Variants in DPY19L2 observed in about 807,000 individuals in gnomAD.
DPY19L2 encodes the protein probable C-mannosyltransferase DPY19L2.
DPY19L2 carries 34 observed loss-of-function variants against 97.9 expected under a neutral mutation model. The ratio of observed to expected loss-of-function variants is 0.35; its 90% CI spans 0.26 to 0.46. DPY19L2 has a LOEUF of 0.46. Ranked by LOEUF, DPY19L2 falls within the 20% of genes least tolerant of loss-of-function variation. The pLI is 1.00. For synonymous variants in DPY19L2, 230 were observed against 307.9 expected, an observed-to-expected ratio of 0.75 and a Z score of 2.65; for missense variants, 623 against 911.4, an observed-to-expected ratio of 0.68 and a Z score of 4.07.
intron 9 of DPY19L2, among the ~76,000 whole-genome samples, chr12:63,620,779 T>C (rs1278239242): frequency 6.6e-6 from 1 of 152,170 alleles, no homozygotes; most frequent in Non-Finnish European, 1.5e-5. Context: ...TGCAGCACTA[T>C]TCACAATAGC....
At chr12:63,644,604 G>C in intron 5 of DPY19L2, 108 bp from the exon 6 acceptor site, 1 of 1,452,890 alleles carries the variant, frequency 6.9e-7, no homozygotes, top group Non-Finnish European at 9.2e-7. Flanking sequence ...TTTGCTGAAA[G>C]CATTTGCTTT....
chr12:63,656,413 C>A (rs142468731), intron 4 of DPY19L2, among the ~76,000 whole-genome samples: 3 of 152,094 alleles, frequency 2.0e-5, no homozygotes, highest in African/African-American at 7.2e-5. Context: ...AAGAGCCAGG[C>A]GATAAGTATT....
At chr12:63,591,940 T>TGAAAA (rs371807048) in intron 16 of DPY19L2, among the ~76,000 whole-genome samples, 2,030 of 62,074 alleles carry the variant, frequency 0.033, 65 homozygotes, top group African/African-American at 0.069. Flanking sequence ...CAAGACTCTG[T>TGAAAA]GAAAAGAAAA....
intron 12 of DPY19L2, 76 bp downstream of exon 12, chr12:63,608,540 G>A: frequency 4.9e-6 from 6 of 1,230,596 alleles, no homozygotes; most frequent in Non-Finnish European, 6.9e-6. Flanking sequence ...GCATTTTAAA[G>A]CATATTAACT....
intron 4 of DPY19L2, among the ~76,000 whole-genome samples, chr12:63,655,181 C>T (rs145221719): frequency 1.3e-5 from 2 of 152,186 alleles, no homozygotes; most frequent in East Asian, 1.9e-4. Context: ...CATAAAGACA[C>T]GTTGCACATA....
chr12:63,619,121 A>C (rs924800425), intron 9 of DPY19L2, among the ~76,000 whole-genome samples: 2 of 152,072 alleles, frequency 1.3e-5, no homozygotes, highest in African/African-American at 4.8e-5. Context: ...TAGGATTGAA[A>C]ATTCCAGGAG....
chr12:63,645,504 G>C (rs11175095), intron 5 of DPY19L2, among the ~76,000 whole-genome samples: 100,481 of 151,716 alleles, frequency 0.66, 33,831 homozygotes, highest in East Asian at 0.87. Flanking sequence ...TATTCTTATA[G>C]CCAGATAGCC....
intron 6 of DPY19L2, among the ~76,000 whole-genome samples, chr12:63,639,916 G>A (rs1411019987): frequency 1.3e-5 from 2 of 152,080 alleles, no homozygotes; most frequent in African/African-American, 4.8e-5. Context: ...GTTTATTGTG[G>A]CACTATTCAC....
At chr12:63,632,221 C>G (rs1454399845) in intron 6 of DPY19L2, among the ~76,000 whole-genome samples, 1 of 152,070 alleles carries the variant, frequency 6.6e-6, no homozygotes, top group Non-Finnish European at 1.5e-5. Flanking sequence ...CCAGGGCAAT[C>G]AGGCAGGAGA....
intron 13 of DPY19L2, 84 bp from the exon 14 acceptor site, chr12:63,597,994 A>T: frequency 9.0e-7 from 1 of 1,115,128 alleles, no homozygotes; most frequent in Admixed American, 2.8e-5. Flanking sequence ...ATGTAAGAAT[A>T]ACAAAGTTTA....
chr12:63,599,785 T>G (rs181958438), intron 13 of DPY19L2, among the ~76,000 whole-genome samples: 4 of 152,272 alleles, frequency 2.6e-5, no homozygotes, highest in African/African-American at 4.8e-5. Context: ...ACATGAGAGA[T>G]AAATGCTCTG....
intron 21 of DPY19L2, among the ~76,000 whole-genome samples, chr12:63,562,969 G>C (rs1023098192): frequency 1.3e-5 from 2 of 151,914 alleles, no homozygotes; most frequent in African/African-American, 4.8e-5. Context: ...CTAACTTTTT[G>C]TATTTTTAGT....
chr12:63,618,167 ATCT>A lies in DPY19L2; in HGVS notation c.1112_1114del (p.Lys371del). 8.0e-6 allele frequency: 8 copies of A among 1,002,102 alleles called. No individual in the cohort carries two copies. Among genetic ancestry groups the A allele is most frequent in the Non-Finnish European group, 1.2e-5 (8 of 669,590 alleles). The allele number at this position is 1,002,102 out of a possible 1,614,324, so 62.1% of individuals were successfully genotyped here. A position where few individuals can be genotyped will look rare whatever the true frequency, so the allele number is the denominator to read the frequency against. On this transcript the variant is annotated inframe_deletion, in exon 10 of 22. Coordinates refer to ENST00000324472, the MANE Select transcript of DPY19L2 (RefSeq NM_173812.5). ...AAATGTTACCATGTTCATATAAATG[ATCT>A]TCTGAAATTTGCTTGGTTCAATGTA...
chr12:63,666,460 T>C (rs1896349324), intron 1 of DPY19L2: 3 of 430,378 alleles, frequency 7.0e-6, no homozygotes, highest in Admixed American at 5.0e-5. Context: ...TACATAAGAC[T>C]TCACCTGGGA....
At chr12:63,664,137 G>C (rs1341942848) in intron 2 of DPY19L2, among the ~76,000 whole-genome samples, 2 of 151,914 alleles carry the variant, frequency 1.3e-5, no homozygotes, top group Non-Finnish European at 2.9e-5. Flanking sequence ...AGGAGTTCGA[G>C]ACCAGCCTTG....
At chr12:63,598,238 G>C (rs1164406108) in intron 13 of DPY19L2, among the ~76,000 whole-genome samples, 1 of 152,072 alleles carries the variant, frequency 6.6e-6, no homozygotes, top group Non-Finnish European at 1.5e-5. Context: ...TTTATAATAA[G>C]ACAATTTATC....
intron 9 of DPY19L2, chr12:63,619,984 C>A (rs1181941609): frequency 4.4e-6 from 2 of 455,908 alleles, no homozygotes; most frequent in Non-Finnish European, 4.4e-6. Context: ...AGACGGAATA[C>A]TTTAAACATG....
chr12:63,629,356 C>T (rs1374180196), intron 6 of DPY19L2, among the ~76,000 whole-genome samples: 1 of 152,002 alleles, frequency 6.6e-6, no homozygotes, highest in Non-Finnish European at 1.5e-5. Context: ...ATAACCAATG[C>T]AGAGAAGTCC....
intron 11 of DPY19L2, among the ~76,000 whole-genome samples, chr12:63,613,898 A>C (rs558907033): frequency 6.6e-6 from 1 of 152,232 alleles, no homozygotes; most frequent in South Asian, 2.1e-4. Context: ...AAAGCAAAAA[A>C]TAAAAGAGAC....
Sources: gnomAD v4.1 joint callset for allele counts (sites outside exome capture counted in the v4.1 genomes callset) on GRCh38, gnomAD v4.1.1 for gene constraint, MANE v1.5 for transcripts, NCBI Gene and HGNC (gene_info 2026-07-23, HGNC 2026-07-21) for gene names.